FMO4: variants seen among roughly 807,000 people sequenced by gnomAD.
FMO4 encodes the protein dimethylaniline monooxygenase [N-oxide-forming] 4.
Under a neutral mutation model 43.3 loss-of-function variants are expected in FMO4, and 38 were observed. That is an observed-to-expected ratio of 0.88 (90% CI 0.68 to 1.15). The LOEUF is 1.15. Ranked by LOEUF, FMO4 falls within the 50% of genes most tolerant of loss-of-function variation. The pLI is 0.00. For synonymous variants in FMO4, 224 were observed against 232.2 expected, an observed-to-expected ratio of 0.96 and a Z score of 0.32; for missense variants, 631 against 663.3, an observed-to-expected ratio of 0.95 and a Z score of 0.54.
chr1:171,336,963 A>G (rs1406010949), intron 8 of FMO4, among the ~76,000 whole-genome samples: 2 of 123,870 alleles, frequency 1.6e-5, no homozygotes, highest in South Asian at 2.2e-4. Flanking sequence ...ACAAACATGC[A>G]CACACACACA....
At chr1:171,324,432 C>A in intron 5 of FMO4, 132 bp downstream of exon 5, 1 of 646,414 alleles carries the variant, frequency 1.5e-6, no homozygotes, top group Admixed American at 2.8e-5. Context: ...ATAATATGTG[C>A]AAAATTACTT....
At chr1:171,322,935 C>A (rs1662494470) in intron 3 of FMO4, 69 bp from the exon 4 acceptor site, 4 of 1,166,332 alleles carry the variant, frequency 3.4e-6, no homozygotes, top group African/African-American at 1.6e-5. Context: ...CTAGCATGAG[C>A]CACCATGATC....
In FMO4 at chr1:171,331,045, A is replaced by G. The variant is rs1005623738; in HGVS notation, c.485-595A>G. On this transcript the variant is annotated intron_variant, in intron 5 of 9. Coordinates refer to ENST00000367749, the MANE Select transcript of FMO4 (RefSeq NM_002022.3). ...TACTTCATTTACGAAAGAACTTACC[A>G]CAGAATCTCCCCTGTGGAGAATTTT... 2.0e-5 allele frequency among the ~76,000 whole-genome samples: 3 copies of G among 152,246 alleles called. No individual in the cohort carries two copies. The South Asian group carries it at 6.2e-4, about 32-fold the overall frequency.
rs1342687646 is a variant in FMO4 at position 171,341,639 on chromosome 1, A to G, written c.1477A>G (p.Thr493Ala). Reference protein sequence around the residue: ...RNAILTQWDRTLKPLKTRIVP... With the variant: ...RNAILTQWDRALKPLKTRIVP... The stretch of plus-strand genomic sequence containing the variant: ...TGCCATCCTGACCCAGTGGGACAGA[A>G]CATTGAAACCTTTAAAAACTCGAAT... Residue 493 changes from threonine to alanine, a missense_variant, in exon 10 of 10, where the codon ACA becomes GCA. Physicochemically the swap from Thr to Ala is moderately conservative, Grantham distance 58. Coordinates refer to ENST00000367749, the MANE Select transcript of FMO4 (RefSeq NM_002022.3). The G allele has an allele frequency of 9.3e-6, 15 of 1,613,858 alleles. 1 individual carries two copies. In the East Asian group the frequency reaches 3.3e-4, roughly 36 times the overall value.
intron 9 of FMO4, among the ~76,000 whole-genome samples, chr1:171,337,901 TG>T (rs1663184455): frequency 6.6e-6 from 1 of 152,166 alleles, no homozygotes; most frequent in Admixed American, 6.5e-5. Context: ...TCCCAAACTG[TG>T]TCTCTGACTC....
In FMO4 at chr1:171,341,642, T is replaced by C. The variant is rs1663377423; in HGVS notation, c.1480T>C (p.Leu494=). 5.0e-6 allele frequency: 8 copies of C among 1,613,938 alleles called. No individual in the cohort carries two copies. The highest frequency in any genetic ancestry group is 6.8e-6 in the Non-Finnish European group (8 of 1,179,962). Reference sequence around the variant, plus strand: ...CATCCTGACCCAGTGGGACAGAACATTGAAACCTTTAAAAACTCGAATTGT... The same window carrying C: ...CATCCTGACCCAGTGGGACAGAACACTGAAACCTTTAAAAACTCGAATTGT... ...NAILTQWDRT[L]KPLKTRIVPD... is the part of the protein sequence containing the mutation. Residue 494 remains leucine (L), a synonymous_variant, in exon 10 of 10, where the codon TTG becomes CTG. Transcript: ENST00000367749.
At chr1:171,329,361 C>A (rs1662806826) in intron 5 of FMO4, among the ~76,000 whole-genome samples, 1 of 152,132 alleles carries the variant, frequency 6.6e-6, no homozygotes, top group Admixed American at 6.5e-5. Flanking sequence ...CTACCTACAA[C>A]TCTCTAACCC....
Position 171,341,540 on chromosome 1 carries a change from G to A in FMO4, c.1378G>A (p.Glu460Lys), listed in dbSNP as rs1010631517. 6 of 1,613,946 alleles carry A rather than the reference G, an allele frequency of 3.7e-6. No individual in the cohort carries two copies. The highest frequency in any genetic ancestry group is 1.3e-5 in the African/African-American group (1 of 74,906). The change falls in exon 10 of 10, where the codon GAA becomes AAA. Residue 460 changes from glutamate to lysine, a missense_variant. By Grantham distance (56) the Glu-to-Lys change is moderately conservative (BLOSUM62 1). Coordinates refer to ENST00000367749, the MANE Select transcript of FMO4 (RefSeq NM_002022.3). ...LFLKDPRLAW[E>K]VFFGPCTPYQ... ...CCTCAAGGATCCCAGACTAGCTTGGGAAGTTTTCTTTGGACCATGTACTCC... is the reference window on the plus strand; with the variant it reads ...CCTCAAGGATCCCAGACTAGCTTGGAAAGTTTTCTTTGGACCATGTACTCC...
rs1257072822 is a variant in FMO4 at position 171,319,882 on chromosome 1, A to C, written c.57A>C (p.Lys19Asn). ...GAGVSGLSSIKCCVDEDLEPT... is the reference protein window; with the variant it reads ...GAGVSGLSSINCCVDEDLEPT... The stretch of plus-strand genomic sequence containing the variant: ...GTGTGAGTGGCCTCTCCTCCATCAA[A>C]TGCTGTGTGGATGAGGACCTGGAGC... The change falls in exon 3 of 10, where the codon AAA (lysine) becomes AAC (asparagine). Residue 19 changes from lysine to asparagine, a missense_variant. By Grantham distance (94) the Lys-to-Asn change is moderately conservative. Transcript: ENST00000367749. 2.5e-6 allele frequency: 4 copies of C among 1,613,798 alleles called. No homozygotes were observed. Among genetic ancestry groups the C allele is most frequent in the Non-Finnish European group, 3.4e-6 (4 of 1,179,750 alleles).
chr1:171,333,669 GT>G (rs1030594477), intron 7 of FMO4, among the ~76,000 whole-genome samples: 2 of 151,816 alleles, frequency 1.3e-5, no homozygotes, highest in African/African-American at 4.8e-5. Context: ...ATCTTTTTTT[GT>G]TTTGTTTCTT....
chr1:171,334,574 A>G lies in FMO4; in HGVS notation c.991A>G (p.Thr331Ala), dbSNP rs774400664. 1.2e-6 allele frequency: 2 copies of G among 1,613,814 alleles called. No individual in the cohort carries two copies. Among genetic ancestry groups the G allele is most frequent in the East Asian group, 4.5e-5 (2 of 44,868 alleles). The change falls in exon 8 of 10, where the codon ACA becomes GCA. Residue 331 changes from threonine (T) to alanine (A), a missense_variant. Physicochemically the swap from Thr to Ala is moderately conservative, Grantham distance 58 (BLOSUM62 0). Coordinates refer to ENST00000367749, the MANE Select transcript of FMO4 (RefSeq NM_002022.3). The part of the protein sequence containing the change: ...IDVVIFTTGY[T>A]FSFPFFEEPL... ...TGTTGTGATCTTCACTACAGGATAT[A>G]CATTTTCTTTTCCATTTTTTGAAGA...
chr1:171,327,734 G>A (rs1252575542), intron 5 of FMO4, among the ~76,000 whole-genome samples: 34 of 152,090 alleles, frequency 2.2e-4, no homozygotes, highest in Non-Finnish European at 1.2e-4. Context: ...GGGCAATATG[G>A]TGAAACCCTG....
At chr1:171,338,013 A>T (rs1417465682) in intron 9 of FMO4, among the ~76,000 whole-genome samples, 1 of 151,768 alleles carries the variant, frequency 6.6e-6, no homozygotes, top group Non-Finnish European at 1.5e-5. Context: ...CTAAAAATGA[A>T]CTCTTGACCC....
At chr1:171,327,279 A>T (rs1032114733) in intron 5 of FMO4, among the ~76,000 whole-genome samples, 2 of 152,230 alleles carry the variant, frequency 1.3e-5, no homozygotes, top group African/African-American at 2.4e-5. Flanking sequence ...TCACTGGCTC[A>T]GTCCAGGCTG....
chr1:171,336,238 G>A (rs150618768), intron 8 of FMO4, among the ~76,000 whole-genome samples: 2 of 152,214 alleles, frequency 1.3e-5, no homozygotes, highest in African/African-American at 4.8e-5. Flanking sequence ...AGGGTCACAA[G>A]TGGCCTGAGG....
chr1:171,315,673 T>C (rs1662168924), intron 1 of FMO4, among the ~76,000 whole-genome samples: 1 of 152,196 alleles, frequency 6.6e-6, no homozygotes, highest in Non-Finnish European at 1.5e-5. Flanking sequence ...CAAGGCAAAA[T>C]TTAAAAAGGT....
At position 171,322,391 on chromosome 1, in the gene FMO4, A is replaced by C. The variant is rs1662472180; in HGVS notation, c.133-613A>C. On this transcript the variant is annotated intron_variant, in intron 3 of 9. Coordinates refer to ENST00000367749, the MANE Select transcript of FMO4 (RefSeq NM_002022.3). ...AAACAAGACAGATAATAAGCCCTGCATTCATGGAATTGTTTAAGGACAATG... is the reference window on the plus strand; with the variant it reads ...AAACAAGACAGATAATAAGCCCTGCCTTCATGGAATTGTTTAAGGACAATG... 2.0e-5 allele frequency among the ~76,000 whole-genome samples: 3 copies of C among 152,232 alleles called. No homozygotes were observed. In the South Asian group the frequency reaches 6.2e-4, roughly 31 times the overall value.
At chr1:171,338,637 G>A (rs907722910) in intron 9 of FMO4, among the ~76,000 whole-genome samples, 2 of 152,116 alleles carry the variant, frequency 1.3e-5, no homozygotes, top group Admixed American at 6.5e-5. Flanking sequence ...CTGTTCAAAT[G>A]TCACTTAATA....
intron 6 of FMO4, among the ~76,000 whole-genome samples, chr1:171,332,462 A>G (rs1427291711): frequency 6.6e-6 from 1 of 152,196 alleles, no homozygotes; most frequent in Non-Finnish European, 1.5e-5. Context: ...TACAAATATT[A>G]TACTTCTATA....
Sources: allele counts gnomAD v4.1 joint callset (sites outside exome capture counted in the v4.1 genomes callset), GRCh38; gene constraint gnomAD v4.1.1; transcripts MANE v1.5; gene names NCBI Gene and HGNC (gene_info 2026-07-23, HGNC 2026-07-21).